FBRSL1: variants seen among roughly 807,000 people sequenced by gnomAD.
The protein encoded by FBRSL1 is fibrosin-1-like protein.
Under a neutral mutation model 89.6 loss-of-function variants are expected in FBRSL1, and 51 were observed. The observed-to-expected ratio is 0.57, with a 90% CI of 0.45 to 0.72. The LOEUF is 0.72. Ranked by LOEUF, FBRSL1 falls within the 30% of genes least tolerant of loss-of-function variation. FBRSL1 has a pLI of 0.00. For synonymous variants in FBRSL1, 779 were observed against 681.1 expected, an observed-to-expected ratio of 1.14 and a Z score of -2.24; for missense variants, 1,618 against 1,451.8, an observed-to-expected ratio of 1.11 and a Z score of -1.86.
Position 132,504,233 on chromosome 12 carries a change from G to C in FBRSL1, c.292-3920G>C, listed in dbSNP as rs559085306. 4.3e-3 allele frequency among the ~76,000 whole-genome samples: 130 copies of C among 30,026 alleles called. No individual in the cohort carries two copies. The South Asian group carries it at 0.097, about 22-fold the overall frequency. The allele number at this position is 30,026 out of a possible 152,430, so 19.7% of individuals were successfully genotyped here. On this transcript the variant is annotated intron_variant, in intron 1 of 18. Coordinates refer to ENST00000680143, the MANE Select transcript of FBRSL1 (RefSeq NM_001367871.1). ...GGCCTTGGTGCAAACAGGCAGCCCC[G>C]TCCCAAAGAGGGGCAGCAGGGCTCT...
chr12:132,564,587 C>T (rs1298040699), intron 5 of FBRSL1, among the ~76,000 whole-genome samples: 5 of 122,688 alleles, frequency 4.1e-5, no homozygotes, highest in African/African-American at 1.8e-4. Context: ...GCTCCGCCTC[C>T]CGGGTTCACG....
intron 5 of FBRSL1, chr12:132,551,886 G>C: frequency 1.0e-5 from 3 of 291,908 alleles, no homozygotes; most frequent in South Asian, 9.6e-5. Flanking sequence ...GCCGCCAGGT[G>C]GTGGTGGCCT....
At chr12:132,523,277 G>C (rs565478683) in intron 2 of FBRSL1, among the ~76,000 whole-genome samples, 7 of 152,276 alleles carry the variant, frequency 4.6e-5, no homozygotes, top group Non-Finnish European at 7.4e-5. Context: ...AGAGTGGGGT[G>C]ACCAGGACAC....
At chr12:132,556,897 G>A (rs115473075) in intron 5 of FBRSL1, among the ~76,000 whole-genome samples, 2,934 of 151,638 alleles carry the variant, frequency 0.019, 91 homozygotes, top group African/African-American at 0.066. Flanking sequence ...CTCTCCAGGC[G>A]TGAGAGGACA....
intron 2 of FBRSL1, among the ~76,000 whole-genome samples, chr12:132,520,644 G>C (rs1320808013): frequency 6.6e-6 from 1 of 152,220 alleles, no homozygotes; most frequent in African/African-American, 2.4e-5. Flanking sequence ...CTGTGGTAGG[G>C]CTGAAGGCAG....
chr12:132,508,118 C>T (rs919191750), intron 1 of FBRSL1, 35 bp from the exon 2 acceptor site: 35 of 1,548,934 alleles, frequency 2.3e-5, no homozygotes, highest in Admixed American at 3.9e-5. Context: ...CCTGGGGTCC[C>T]GCCAATTAAC....
At chr12:132,529,266 A>G (rs4242906) in intron 4 of FBRSL1, among the ~76,000 whole-genome samples, 45,212 of 152,176 alleles carry the variant, frequency 0.3, 7,252 homozygotes, top group East Asian at 0.52. Flanking sequence ...CAGAGGGGAC[A>G]CAGCCTGGTG....
At chr12:132,495,078 T>C (rs887612958) in intron 1 of FBRSL1, among the ~76,000 whole-genome samples, 6 of 152,132 alleles carry the variant, frequency 3.9e-5, no homozygotes, top group African/African-American at 1.4e-4. Flanking sequence ...CGGTGGGCCT[T>C]GGCCAAGGGG....
In FBRSL1 at chr12:132,574,513, C is replaced by A; in HGVS notation, c.1650C>A (p.Ala550=). ...AVVKKPGRWC[A]VHVQIAWQIY... is the part of the protein sequence containing the mutation. ...CGCAGAAGCCGGGGAGGTGGTGTGC[C>A]GTGCACGTGCAGATCGCCTGGCAGA... Residue 550 remains alanine (A), a synonymous_variant, in exon 14 of 19, where the codon GCC becomes GCA. Coordinates refer to ENST00000680143, the MANE Select transcript of FBRSL1 (RefSeq NM_001367871.1). 7 of 1,550,198 alleles carry A rather than the reference C, an allele frequency of 4.5e-6. No individual in the cohort carries two copies. Among genetic ancestry groups the A allele is most frequent in the Non-Finnish European group, 6.1e-6 (7 of 1,146,810 alleles).
At chr12:132,529,009 G>T (rs974452353) in intron 4 of FBRSL1, among the ~76,000 whole-genome samples, 2 of 152,156 alleles carry the variant, frequency 1.3e-5, no homozygotes, top group African/African-American at 2.4e-5. Context: ...CCCTCCTCAT[G>T]ACTGTGTTTC....
In FBRSL1 at chr12:132,508,439, G is replaced by A. The variant is rs550848691; in HGVS notation, c.489+89G>A. Reference sequence around the variant, plus strand: ...TGCCAGCACCTGGACACCACGCCACGTGGCCCCCGGGCCTGCCTGGCAGCG... The same window carrying A: ...TGCCAGCACCTGGACACCACGCCACATGGCCCCCGGGCCTGCCTGGCAGCG... On this transcript the variant is annotated intron_variant, in intron 2 of 18. Coordinates refer to ENST00000680143, the MANE Select transcript of FBRSL1 (RefSeq NM_001367871.1). 6.9e-5 allele frequency: 91 copies of A among 1,322,302 alleles called. 2 individuals carry two copies. The South Asian group carries it at 1.1e-3, about 15-fold the overall frequency. The allele number at this position is 1,322,302 out of a possible 1,614,324, so 81.9% of individuals were successfully genotyped here.
chr12:132,526,221 G>A (rs145022924), intron 3 of FBRSL1, among the ~76,000 whole-genome samples: 474 of 152,358 alleles, frequency 3.1e-3, no homozygotes, highest in Non-Finnish European at 5.8e-3. Context: ...GCGGACGGCC[G>A]CCGAGTCTTG....
chr12:132,566,811 A>G (rs936019294), intron 5 of FBRSL1, among the ~76,000 whole-genome samples: 2 of 149,042 alleles, frequency 1.3e-5, no homozygotes, highest in Non-Finnish European at 3.0e-5. Context: ...CACCAGGCCT[A>G]GAGCTTGGCC....
intron 5 of FBRSL1, among the ~76,000 whole-genome samples, chr12:132,559,406 T>A (rs2038927027): frequency 6.6e-6 from 1 of 152,188 alleles, no homozygotes; most frequent in Non-Finnish European, 1.5e-5. Flanking sequence ...TTTTTCCTTT[T>A]TTTGAGACCT....
In FBRSL1 at chr12:132,557,178, G is replaced by A. The variant is rs112182503; in HGVS notation, c.645+9146G>A. Among the ~76,000 whole-genome samples, 74 of 152,318 alleles carry A rather than the reference G, an allele frequency of 4.9e-4. 1 individual carries two copies. Among genetic ancestry groups the A allele is most frequent in the African/African-American group, 1.3e-3 (53 of 41,570 alleles). On this transcript the variant is annotated intron_variant, in intron 5 of 18. Transcript: ENST00000680143. The stretch of plus-strand genomic sequence containing the variant: ...ACCCCCTGGCCACCCGCTGCGTAAC[G>A]ATGGCAGACGCAGTTACAGTGTTGG...
In FBRSL1 at chr12:132,499,688, C is replaced by G. The variant is rs117037316; in HGVS notation, c.292-8465C>G. 0.046 allele frequency among the ~76,000 whole-genome samples: 6,829 copies of G among 149,730 alleles called. 238 individuals are homozygous for G. Among genetic ancestry groups the G allele is most frequent in the Non-Finnish European group, 0.071 (4,792 of 67,444 alleles). On this transcript the variant is annotated intron_variant, in intron 1 of 18. Transcript: ENST00000680143. This position sits in a 1 kb window ranked among gnomAD's most constrained non-coding sequence, Gnocchi z 4.3. ...GTGCCGGTGGCAGGCAGGCTGGAGA[C>G]AGCTGGGGGCTGTGGCTGGGGGGCT... is the stretch of plus-strand genomic sequence containing the variant.
chr12:132,558,070 A>AC (rs556459846), intron 5 of FBRSL1, among the ~76,000 whole-genome samples: 25 of 111,048 alleles, frequency 2.3e-4, no homozygotes, highest in African/African-American at 7.4e-4. Context: ...CACCATCTGG[A>AC]CCCCCCATGG....
In FBRSL1 at chr12:132,583,294, G is replaced by T. The variant is rs912470409; in HGVS notation, c.2525G>T (p.Arg842Leu). The T allele has an allele frequency of 2.6e-6, 3 of 1,134,940 alleles. No individual in the cohort carries two copies. Among genetic ancestry groups the T allele is most frequent in the Non-Finnish European group, 3.3e-6 (3 of 898,870 alleles). The allele number at this position is 1,134,940 out of a possible 1,614,324, so 70.3% of individuals were successfully genotyped here. A position where few individuals can be genotyped will look rare whatever the true frequency, so the allele number is the denominator to read the frequency against. The change falls in exon 19 of 19, where the codon CGC becomes CTC. Residue 842 changes from arginine to leucine, a missense_variant. Physicochemically the swap from Arg to Leu is moderately radical, Grantham distance 102 (BLOSUM62 -2). Transcript: ENST00000680143. ...HPAPLQLGLGRERLGAPGFAW... is the reference protein window; with the variant it reads ...HPAPLQLGLGLERLGAPGFAW... ...GCGCCCCTGCAGCTCGGCCTGGGCC[G>T]CGAGCGCCTGGGCGCGCCGGGCTTC...
At chr12:132,503,702 A>T (rs2033319925) in intron 1 of FBRSL1, among the ~76,000 whole-genome samples, 1 of 152,186 alleles carries the variant, frequency 6.6e-6, no homozygotes, top group African/African-American at 2.4e-5. Context: ...CGGGTATGGG[A>T]GGCAGCCATG....
Sources: allele counts gnomAD v4.1 joint callset (sites outside exome capture counted in the v4.1 genomes callset), GRCh38; gene constraint gnomAD v4.1.1; non-coding constraint Gnocchi (gnomAD v3.1); transcripts MANE v1.5; gene names NCBI Gene and HGNC (gene_info 2026-07-23, HGNC 2026-07-21).